Variants in YIPF4 observed in about 807,000 individuals in gnomAD.
The protein encoded by YIPF4 is Yip1 domain family member 4, also known as protein YIPF4.
A neutral mutation model predicts 29.4 loss-of-function variants in YIPF4; 18 were observed. The ratio of observed to expected loss-of-function variants is 0.61; its 90% CI spans 0.42 to 0.91. YIPF4 has a LOEUF of 0.91. Among genes scored for constraint, YIPF4 ranks in the 40% least tolerant of loss-of-function variants. The pLI is 0.00. For missense variants in YIPF4, 279 were observed against 282.7 expected, an observed-to-expected ratio of 0.99 and a Z score of 0.09; for synonymous variants, 115 against 104.7, an observed-to-expected ratio of 1.10 and a Z score of -0.60.
In YIPF4 at chr2:32,278,006, TG is replaced by T. The variant is rs2030174178; in HGVS notation, c.-149del. ...GTCTCGGGGCAGCTCAGCGGCCCGC[TG>T]TGCCCGTTTCTGGCCTCGCTCGCAG... On this transcript the variant is annotated 5_prime_UTR_variant, in exon 1 of 6. Transcript: ENST00000238831. 1.6e-6 allele frequency: 1 copy of T among 636,912 alleles called. No homozygotes were observed. Among genetic ancestry groups the T allele is most frequent in the African/African-American group, 2.0e-5 (1 of 50,948 alleles). 39.5% of individuals were successfully genotyped at this position (636,912 alleles called of 1,614,324 possible).
At position 32,277,928 on chromosome 2, in the gene YIPF4, T is replaced by G; in HGVS notation, c.-228T>G. 1.9e-6 allele frequency: 1 copy of G among 524,312 alleles called. No individual in the cohort carries two copies. Among genetic ancestry groups the G allele is most frequent in the Admixed American group, 4.0e-5 (1 of 24,994 alleles). 32.5% of individuals were successfully genotyped at this position (524,312 alleles called of 1,614,324 possible). A position where few individuals can be genotyped will look rare whatever the true frequency, so the allele number is the denominator to read the frequency against. On this transcript the variant is annotated 5_prime_UTR_variant, in exon 1 of 6. Transcript: ENST00000238831. Reference sequence around the variant, plus strand: ...TGTCACTGTTATGGTCCTGTCAGGGTGCCGGCGTCGTGGTGCTTGGGTGGT... The same window carrying G: ...TGTCACTGTTATGGTCCTGTCAGGGGGCCGGCGTCGTGGTGCTTGGGTGGT...
Position 32,305,750 on chromosome 2 carries a change from G to A in YIPF4, c.*124G>A. Reference sequence around the variant, plus strand: ...TTACATGTTCCAGATGGAAAGGGAAGTCTAAGCGCTTTTTAAAACAATTTT... The same window carrying A: ...TTACATGTTCCAGATGGAAAGGGAAATCTAAGCGCTTTTTAAAACAATTTT... On this transcript the variant is annotated 3_prime_UTR_variant, in exon 6 of 6. Transcript: ENST00000238831. The A allele has an allele frequency of 2.4e-6, 3 of 1,265,728 alleles. No homozygotes were observed. The highest frequency in any genetic ancestry group is 3.0e-6 in the Non-Finnish European group (3 of 1,005,302). The allele number at this position is 1,265,728 out of a possible 1,614,324, so 78.4% of individuals were successfully genotyped here.
Position 32,298,304 on chromosome 2 carries a change from G to T in YIPF4, c.476G>T (p.Gly159Val), listed in dbSNP as rs2031270528. 6.2e-7 allele frequency: 1 copy of T among 1,606,024 alleles called. No homozygotes were observed. The highest frequency in any genetic ancestry group is 8.5e-7 in the Non-Finnish European group (1 of 1,174,446). ...LTIFLLARVL[G>V]GEVAYGQVLG... ...ATTTTCTTACTGGCCAGAGTTCTTG[G>T]TGGAGAAGTAAGTAGTTTATTTTGA... is the stretch of plus-strand genomic sequence containing the variant. Residue 159 changes from glycine (G) to valine (V), a missense_variant, in exon 4 of 6, where the codon GGT (glycine) becomes GTT (valine). Gly to Val is a moderately radical substitution (Grantham distance 109). Coordinates refer to ENST00000238831, the MANE Select transcript of YIPF4 (RefSeq NM_032312.4).
chr2:32,290,719 A>C, intron 2 of YIPF4, 83 bp downstream of exon 2: 1 of 1,012,292 alleles, frequency 9.9e-7, no homozygotes, highest in Non-Finnish European at 1.3e-6. Context: ...TTTAGAGAGA[A>C]AGCATTAACC....
chr2:32,309,159 A>G lies in YIPF4; in HGVS notation c.*3533A>G, dbSNP rs1356521811. 6.6e-6 allele frequency: 1 copy of G among 152,164 alleles called. No homozygotes were observed. Among genetic ancestry groups the G allele is most frequent in the Non-Finnish European group, 1.5e-5 (1 of 68,038 alleles). The allele number at this position is 152,164 out of a possible 1,614,324, so 9.4% of individuals were successfully genotyped here. A position where few individuals can be genotyped will look rare whatever the true frequency, so the allele number is the denominator to read the frequency against. The stretch of plus-strand genomic sequence containing the variant: ...TTTCTAAGGTCTGTAAGACAGTTTT[A>G]TATGTAATAATGTGTCCATTTCCAG... On this transcript the variant is annotated 3_prime_UTR_variant, in exon 6 of 6. Coordinates refer to ENST00000238831, the MANE Select transcript of YIPF4 (RefSeq NM_032312.4).
In YIPF4 at chr2:32,292,348, G is replaced by A. The variant is rs1171241747; in HGVS notation, c.405G>A (p.Arg135=). The A allele has an allele frequency of 6.6e-7, 1 of 1,526,666 alleles. No individual in the cohort carries two copies. The highest frequency in any genetic ancestry group is 1.4e-5 in the African/African-American group (1 of 71,486). 94.6% of individuals were successfully genotyped at this position (1,526,666 alleles called of 1,614,324 possible). A position where few individuals can be genotyped will look rare whatever the true frequency, so the allele number is the denominator to read the frequency against. Reference sequence around the variant, plus strand: ...TGATATCATTATATGGACAGTTTAGGGTAAGTATATCTTATTTTATACAAA... The same window carrying A: ...TGATATCATTATATGGACAGTTTAGAGTAAGTATATCTTATTTTATACAAA... ...FSMISLYGQF[R]VVSWIITIWI... is the part of the protein sequence containing the mutation. Residue 135 remains arginine, a splice_region_variant and synonymous_variant, in exon 3 of 6, where the codon AGG becomes AGA. Transcript: ENST00000238831.
intron 4 of YIPF4, among the ~76,000 whole-genome samples, chr2:32,300,140 C>G (rs951247152): frequency 1.3e-5 from 2 of 152,180 alleles, no homozygotes; most frequent in Non-Finnish European, 2.9e-5. Flanking sequence ...GTGGCACATG[C>G]CTGCAATCCC....
At chr2:32,289,896 G>A (rs1436340597) in intron 1 of YIPF4, among the ~76,000 whole-genome samples, 2 of 151,832 alleles carry the variant, frequency 1.3e-5, no homozygotes, top group Non-Finnish European at 2.9e-5. Context: ...AAATAACAGG[G>A]GACTCTTACT....
chr2:32,299,009 C>G (rs2031298934), intron 4 of YIPF4, among the ~76,000 whole-genome samples: 1 of 151,990 alleles, frequency 6.6e-6, no homozygotes. Flanking sequence ...TCCCGAGTAG[C>G]TAGGATTACA....
intron 1 of YIPF4, among the ~76,000 whole-genome samples, chr2:32,286,626 A>G (rs531959642): frequency 2.4e-4 from 37 of 151,930 alleles, no homozygotes; most frequent in East Asian, 1.7e-3. Context: ...GCTCAGTGCA[A>G]CCTCCACCTC....
chr2:32,292,172 T>C lies in YIPF4; in HGVS notation c.234-5T>C. ...CTTTTGAGAATTTTTATTTTAAAATTATAGGGAAGAATTGGACATTGATCT... is the reference window on the plus strand; with the variant it reads ...CTTTTGAGAATTTTTATTTTAAAATCATAGGGAAGAATTGGACATTGATCT... On this transcript the variant is annotated splice_polypyrimidine_tract_variant and splice_region_variant and intron_variant, in intron 2 of 5. Coordinates refer to ENST00000238831, the MANE Select transcript of YIPF4 (RefSeq NM_032312.4). 6.9e-7 allele frequency: 1 copy of C among 1,444,050 alleles called. No homozygotes were observed. Among genetic ancestry groups the C allele is most frequent in the Non-Finnish European group, 9.2e-7 (1 of 1,089,750 alleles). The allele number at this position is 1,444,050 out of a possible 1,614,324, so 89.5% of individuals were successfully genotyped here.
rs999787511 is a variant in YIPF4, at chr2:32,308,045, A to G, written c.*2419A>G. On this transcript the variant is annotated 3_prime_UTR_variant, in exon 6 of 6. Coordinates refer to ENST00000238831, the MANE Select transcript of YIPF4 (RefSeq NM_032312.4). The stretch of plus-strand genomic sequence containing the variant: ...TAATGTCCTCTCCTTGAATTTTTAT[A>G]TAATAATATTTTCTGAGTCATAACT... 1.3e-5 allele frequency: 2 copies of G among 150,964 alleles called. No individual in the cohort carries two copies. The highest frequency in any genetic ancestry group is 6.6e-5 in the Admixed American group (1 of 15,152). 9.4% of individuals were successfully genotyped at this position (150,964 alleles called of 1,614,324 possible). A position where few individuals can be genotyped will look rare whatever the true frequency, so the allele number is the denominator to read the frequency against.
intron 1 of YIPF4, among the ~76,000 whole-genome samples, chr2:32,285,656 C>CTTTTTTTTT (rs1177156259): frequency 7.3e-6 from 1 of 137,892 alleles, no homozygotes; most frequent in Non-Finnish European, 1.6e-5. Context: ...TTAGTTTTTC[C>CTTTTTTTTT]TTTTTTTTTT....
rs779929422 is a variant in YIPF4, at chr2:32,294,136, C to T, written c.405+1788C>T. ...GCGGGACGCTGACCCCCCCACTTCC[C>T]TCCCAGACGGGTCGGCTGGCCTGGC... On this transcript the variant is annotated intron_variant, in intron 3 of 5. Transcript: ENST00000238831. 2.8e-3 allele frequency among the ~76,000 whole-genome samples: 430 copies of T among 151,574 alleles called. 2 individuals are homozygous for T. Among genetic ancestry groups the T allele is most frequent in the Middle Eastern group, 6.9e-3 (2 of 290 alleles).
At chr2:32,303,269 A>C (rs901354983) in intron 5 of YIPF4, among the ~76,000 whole-genome samples, 1 of 152,034 alleles carries the variant, frequency 6.6e-6, no homozygotes, top group South Asian at 2.1e-4. Context: ...CTGAGGTGGG[A>C]GGATTGCTTG....
chr2:32,294,122 A>AC (rs1332505785), intron 3 of YIPF4, among the ~76,000 whole-genome samples: 55 of 115,840 alleles, frequency 4.7e-4, no homozygotes, highest in East Asian at 3.3e-3. Flanking sequence ...CGGGACGCTG[A>AC]CCCCCCCACT....
In YIPF4 at chr2:32,310,352, T is replaced by C. The variant is rs1401589430; in HGVS notation, c.*4726T>C. 1 of 151,970 alleles carries C rather than the reference T, an allele frequency of 6.6e-6. No homozygotes were observed. The highest frequency in any genetic ancestry group is 1.5e-5 in the Non-Finnish European group (1 of 67,986). 9.4% of individuals were successfully genotyped at this position (151,970 alleles called of 1,614,324 possible). On this transcript the variant is annotated 3_prime_UTR_variant, in exon 6 of 6. Transcript: ENST00000238831. ...CTCTGAAAAAATCATAATAATACTT[T>C]AATTTAGAAAATACCCTGAATTAGA...
intron 5 of YIPF4, 95 bp from the exon 6 acceptor site, chr2:32,305,394 A>T (rs1025661035): frequency 1.5e-6 from 2 of 1,331,998 alleles, no homozygotes; most frequent in Non-Finnish European, 1.9e-6. Context: ...TTGATTTTTT[A>T]AAAATATTGT....
rs1573547963 is a variant in YIPF4, at chr2:32,310,131, T to G, written c.*4505T>G. The G allele has an allele frequency of 6.6e-6, 1 of 152,238 alleles. No homozygotes were observed. Among genetic ancestry groups the G allele is most frequent in the Admixed American group, 6.5e-5 (1 of 15,288 alleles). 9.4% of individuals were successfully genotyped at this position (152,238 alleles called of 1,614,324 possible). On this transcript the variant is annotated 3_prime_UTR_variant, in exon 6 of 6. Transcript: ENST00000238831. The stretch of plus-strand genomic sequence containing the variant: ...CATATGTACACAAAGTAATATTTTA[T>G]TATTCTCCTTCATAAATGGTTTCTT...
Sources: gnomAD v4.1 joint callset for allele counts (sites outside exome capture counted in the v4.1 genomes callset) on GRCh38, gnomAD v4.1.1 for gene constraint, MANE v1.5 for transcripts, NCBI Gene and HGNC (gene_info 2026-07-23, HGNC 2026-07-21) for gene names.